The following CARMIL1 variants were observed in gnomAD, a reference collection of about 807,000 sequenced individuals.
The protein encoded by CARMIL1 is capping protein regulator and myosin 1 linker 1, also known as F-actin-uncapping protein LRRC16A.
CARMIL1 carries 90 observed loss-of-function variants against 177.1 expected under a neutral mutation model. The observed-to-expected ratio is 0.51, with a 90% confidence interval of 0.43 to 0.61. The LOEUF is 0.61. Ranked by LOEUF, CARMIL1 falls within the 20% of genes least tolerant of loss-of-function variation. The pLI is 0.00. For missense variants in CARMIL1, 1,380 were observed against 1,667.0 expected (o/e 0.83, Z 3.00); for synonymous variants, 577 against 606.2 (o/e 0.95, Z 0.71).
At position 25,554,174 on chromosome 6, in the gene CARMIL1, T is replaced by A; in HGVS notation, c.2592+78T>A. The A allele has an allele frequency of 1.0e-6, 1 of 1,004,016 alleles. No homozygotes were observed. Among genetic ancestry groups the A allele is most frequent in the Non-Finnish European group, 1.5e-6 (1 of 650,350 alleles). The allele number at this position is 1,004,016 out of a possible 1,614,324, so 62.2% of individuals were successfully genotyped here. A position where few individuals can be genotyped will look rare whatever the true frequency, so the allele number is the denominator to read the frequency against. On this transcript the variant is annotated intron_variant, in intron 28 of 36. Transcript: ENST00000329474. This position sits in a 1 kb window ranked among gnomAD's most constrained non-coding sequence, Gnocchi z 4.6. The stretch of plus-strand genomic sequence containing the variant: ...TGCAGGATGACTTCCGGTGTGGGGA[T>A]GTGATTTCTTTTCTGTATTTCACAC...
intron 8 of CARMIL1, among the ~76,000 whole-genome samples, chr6:25,463,112 T>A (rs1298219457): frequency 6.6e-6 from 1 of 152,224 alleles, no homozygotes; most frequent in Non-Finnish European, 1.5e-5. Flanking sequence ...GATTTAATCT[T>A]GTAAAACAGA....
At position 25,606,102 on chromosome 6, in the gene CARMIL1, T is replaced by C. The variant is rs1246889756; in HGVS notation, c.3676T>C (p.Leu1226=). Residue 1226 remains leucine (L), a synonymous_variant, in exon 35 of 37, where the codon TTG becomes CTG. Transcript: ENST00000329474. ...AGGTCTTCCAGAGAACCGCTTTGGT[T>C]TGGGAACACCAGAAAAGAATACCAA... ...HPGLPENRFG[L]GTPEKNTKAE... 1 of 1,613,984 alleles carries C rather than the reference T, an allele frequency of 6.2e-7. No individual in the cohort carries two copies. The highest frequency in any genetic ancestry group is 1.1e-5 in the South Asian group (1 of 91,052).
At position 25,282,012 on chromosome 6, in the gene CARMIL1, G is replaced by A. The variant is rs575412419; in HGVS notation, c.40+2177G>A. Among the ~76,000 whole-genome samples the A allele has an allele frequency of 4.0e-5, 6 of 151,848 alleles. No homozygotes were observed. The South Asian group carries it at 1.3e-3, about 32-fold the overall frequency. ...TGGCTGTAATCCCAGCTACTCGGGA[G>A]GCTGAGGCAGGAGAATCACTTGAAC... is the stretch of plus-strand genomic sequence containing the variant. On this transcript the variant is annotated intron_variant, in intron 1 of 36. Transcript: ENST00000329474.
At chr6:25,302,533 CT>C (rs1782939850) in intron 2 of CARMIL1, among the ~76,000 whole-genome samples, 2 of 152,218 alleles carry the variant, frequency 1.3e-5, no homozygotes, top group Admixed American at 6.5e-5. Context: ...ACCTCTACCC[CT>C]AAAAGCAATC....
At chr6:25,452,362 A>G (rs545384834) in intron 8 of CARMIL1, 10 of 625,920 alleles carry the variant, frequency 1.6e-5, no homozygotes, top group Admixed American at 2.8e-5. Flanking sequence ...AAAATATTTT[A>G]CTTTGTAAGT....
chr6:25,425,166 C>A (rs981148180), intron 3 of CARMIL1, among the ~76,000 whole-genome samples: 4 of 152,156 alleles, frequency 2.6e-5, no homozygotes, highest in Non-Finnish European at 5.9e-5. Context: ...GAGGACAAAA[C>A]AAACGTCTCA....
At chr6:25,463,814 T>C (rs547649848) in intron 8 of CARMIL1, among the ~76,000 whole-genome samples, 69 of 136,838 alleles carry the variant, frequency 5.0e-4, no homozygotes, top group African/African-American at 1.8e-3. Context: ...GAAAGAGTTG[T>C]TCTCCTTTTT....
intron 2 of CARMIL1, among the ~76,000 whole-genome samples, chr6:25,325,238 C>A (rs1239139608): frequency 6.6e-6 from 1 of 152,114 alleles, no homozygotes; most frequent in Non-Finnish European, 1.5e-5. Flanking sequence ...GTAGAGAATT[C>A]ATTGAAACTT....
chr6:25,308,862 G>A (rs1783502357), intron 2 of CARMIL1, among the ~76,000 whole-genome samples: 2 of 152,154 alleles, frequency 1.3e-5, no homozygotes. Context: ...CAAGGTGGAA[G>A]CTTTACATGA....
At chr6:25,574,055 G>A (rs1812367433) in intron 29 of CARMIL1, among the ~76,000 whole-genome samples, 1 of 152,068 alleles carries the variant, frequency 6.6e-6, no homozygotes, top group Non-Finnish European at 1.5e-5. Context: ...CTTTCCATGT[G>A]TTGTAGTTGA....
At chr6:25,608,117 C>T (rs1816159550) in intron 35 of CARMIL1, among the ~76,000 whole-genome samples, 1 of 152,146 alleles carries the variant, frequency 6.6e-6, no homozygotes, top group African/African-American at 2.4e-5. Context: ...TGTCTCTACT[C>T]TGCAATAAAG....
In CARMIL1 at chr6:25,510,625, T is replaced by G; in HGVS notation, c.1577+19T>G. 6.6e-7 allele frequency: 1 copy of G among 1,524,472 alleles called. No homozygotes were observed. Among genetic ancestry groups the G allele is most frequent in the Non-Finnish European group, 8.9e-7 (1 of 1,124,300 alleles). The allele number at this position is 1,524,472 out of a possible 1,614,324, so 94.4% of individuals were successfully genotyped here. Reference sequence around the variant, plus strand: ...AATCCAAGTAAGAGTTTTGAATTTTTTTATATGACAATGATGAAAATAACC... The same window carrying G: ...AATCCAAGTAAGAGTTTTGAATTTTGTTATATGACAATGATGAAAATAACC... On this transcript the variant is annotated intron_variant, in intron 19 of 36. Transcript: ENST00000329474.
chr6:25,302,225 A>G (rs748171634), intron 2 of CARMIL1, among the ~76,000 whole-genome samples: 4 of 152,228 alleles, frequency 2.6e-5, no homozygotes, highest in Non-Finnish European at 5.9e-5. Context: ...CAAGGAAAGT[A>G]TACAAGTACC....
At chr6:25,420,437 C>T in intron 3 of CARMIL1, 1 of 361,216 alleles carries the variant, frequency 2.8e-6, no homozygotes. Context: ...TGTGTAAAGG[C>T]ATCCCAAGAA....
In CARMIL1 at chr6:25,332,775, G is replaced by GCACACA. The variant is rs1441062522; in HGVS notation, c.138+47878_138+47883dup. ...CACACACACACACACACACACACGC[G>GCACACA]CACACACACACACACACTTCTTTTA... is the stretch of plus-strand genomic sequence containing the variant. On this transcript the variant is annotated intron_variant, in intron 2 of 36. Coordinates refer to ENST00000329474, the MANE Select transcript of CARMIL1 (RefSeq NM_017640.6). 7.3e-3 allele frequency among the ~76,000 whole-genome samples: 1,008 copies of GCACACA among 137,268 alleles called. 39 individuals are homozygous for GCACACA. The highest frequency in any genetic ancestry group is 0.026 in the African/African-American group (915 of 35,760). 90.1% of individuals were successfully genotyped at this position (137,268 alleles called of 152,430 possible). A position where few individuals can be genotyped will look rare whatever the true frequency, so the allele number is the denominator to read the frequency against.
At chr6:25,423,231 G>A (rs537267377) in intron 3 of CARMIL1, among the ~76,000 whole-genome samples, 1 of 152,242 alleles carries the variant, frequency 6.6e-6, no homozygotes, top group East Asian at 1.9e-4. Flanking sequence ...TCATTTTATT[G>A]TGAAATATAC....
intron 26 of CARMIL1, among the ~76,000 whole-genome samples, chr6:25,546,125 A>T (rs933249504): frequency 2.0e-5 from 3 of 152,038 alleles, no homozygotes; most frequent in African/African-American, 7.2e-5. Context: ...ATTTTTTCCA[A>T]TTTTTTGTAG....
At chr6:25,298,530 C>T (rs1782606085) in intron 2 of CARMIL1, among the ~76,000 whole-genome samples, 1 of 152,160 alleles carries the variant, frequency 6.6e-6, no homozygotes, top group East Asian at 1.9e-4. Flanking sequence ...TGTGCATTTC[C>T]AATACGTATC....
intron 2 of CARMIL1, among the ~76,000 whole-genome samples, chr6:25,337,331 A>T (rs1023488299): frequency 3.3e-5 from 5 of 152,176 alleles, no homozygotes; most frequent in Non-Finnish European, 7.3e-5. Context: ...ATTGCATAAG[A>T]CCCATTTAAC....
Sources: allele counts gnomAD v4.1 joint callset (sites outside exome capture counted in the v4.1 genomes callset), GRCh38; gene constraint gnomAD v4.1.1; non-coding constraint Gnocchi (gnomAD v3.1); transcripts MANE v1.5; gene names NCBI Gene and HGNC (gene_info 2026-07-23, HGNC 2026-07-21).